The following RSBN1L variants were observed in gnomAD, a reference collection of about 807,000 sequenced individuals.
The protein encoded by RSBN1L is lysine-specific demethylase RSBN1L.
In RSBN1L, 30 loss-of-function variants were observed where a neutral mutation model predicts 67.7. The ratio of observed to expected loss-of-function variants is 0.44; its 90% CI spans 0.33 to 0.60. The LOEUF is 0.60. Ranked by LOEUF, RSBN1L falls within the 20% of genes least tolerant of loss-of-function variation. RSBN1L has a pLI of 0.02. For missense variants in RSBN1L, 992 were observed against 1,031.7 expected (o/e 0.96, Z 0.53); for synonymous variants, 433 against 387.0 (o/e 1.12, Z -1.39).
chr7:77,719,945 C>T (rs576943457), intron 1 of RSBN1L, among the ~76,000 whole-genome samples: 43 of 152,102 alleles, frequency 2.8e-4, no homozygotes, highest in African/African-American at 8.4e-4. Flanking sequence ...TTGTATTTTC[C>T]GTAGAGAAAG....
intron 2 of RSBN1L, among the ~76,000 whole-genome samples, chr7:77,747,917 G>C (rs1186149450): frequency 6.6e-6 from 1 of 150,982 alleles, no homozygotes; most frequent in Admixed American, 6.6e-5. Flanking sequence ...TTCTCGGGGG[G>C]GAGCTCAGGA....
At position 77,713,635 on chromosome 7, in the gene RSBN1L, C is replaced by T. The variant is rs186133386; in HGVS notation, c.586+16580C>T. On this transcript the variant is annotated intron_variant, in intron 1 of 7. Coordinates refer to ENST00000334955, the MANE Select transcript of RSBN1L (RefSeq NM_198467.3). ...CCTCCCAAAGTGCTGGGATTACAGG[C>T]GTGAGCCACCATGCCCGGCCTCTCT... 1.5e-4 allele frequency among the ~76,000 whole-genome samples: 23 copies of T among 151,118 alleles called. 1 individual carries two copies. The East Asian group carries it at 1.8e-3, about 12-fold the overall frequency.
chr7:77,756,789 G>A (rs1362699623), intron 3 of RSBN1L, among the ~76,000 whole-genome samples: 3 of 152,024 alleles, frequency 2.0e-5, no homozygotes, highest in African/African-American at 7.2e-5. Context: ...AAAAGAAAAG[G>A]AAGAAATTCA....
chr7:77,741,105 G>C (rs1339095772), intron 2 of RSBN1L, among the ~76,000 whole-genome samples: 1 of 150,072 alleles, frequency 6.7e-6, no homozygotes, highest in African/African-American at 2.5e-5. Context: ...TCCTGCCTCA[G>C]CCTACCGAGT....
intron 1 of RSBN1L, among the ~76,000 whole-genome samples, chr7:77,716,456 C>CTTT (rs371514466): frequency 7.1e-6 from 1 of 140,390 alleles, no homozygotes; most frequent in African/African-American, 2.6e-5. Flanking sequence ...TGTCTGGCTC[C>CTTT]TTTTTTTTTT....
chr7:77,776,001 A>G (rs912405989), intron 6 of RSBN1L, among the ~76,000 whole-genome samples: 37 of 152,076 alleles, frequency 2.4e-4, no homozygotes, highest in African/African-American at 8.5e-4. Context: ...GGTTGCAGTG[A>G]GCTTAGATGG....
In RSBN1L at chr7:77,725,471, TCCTGA is replaced by T. The variant is rs1791189477; in HGVS notation, c.587-10935_587-10931del. On this transcript the variant is annotated intron_variant, in intron 1 of 7. Coordinates refer to ENST00000334955, the MANE Select transcript of RSBN1L (RefSeq NM_198467.3). ...CATGTTTGCGAGGCTGGTCTCGAAC[TCCTGA>T]CCTCAGGTGATCCACCTGCCTCGGC... Among the ~76,000 whole-genome samples, 3 of 150,976 alleles carry T rather than the reference TCCTGA, an allele frequency of 2.0e-5. No individual in the cohort carries two copies. The South Asian group carries it at 6.3e-4, about 32-fold the overall frequency.
At position 77,772,522 on chromosome 7, in the gene RSBN1L, G is replaced by A. The variant is rs117037046; in HGVS notation, c.1626-625G>A. Among the ~76,000 whole-genome samples the A allele has an allele frequency of 1.5e-3, 234 of 152,368 alleles. 1 individual carries two copies. The highest frequency in any genetic ancestry group is 1.6e-3 in the Non-Finnish European group (108 of 68,034). On this transcript the variant is annotated intron_variant, in intron 5 of 7. Transcript: ENST00000334955. The stretch of plus-strand genomic sequence containing the variant: ...AGGAAAGTGGTGGAGGAGAGGGCCA[G>A]TGGGAAATAGCTGTCTTCCAAGACA...
intron 2 of RSBN1L, among the ~76,000 whole-genome samples, chr7:77,745,027 T>C (rs1038151474): frequency 2.6e-5 from 4 of 152,124 alleles, no homozygotes; most frequent in African/African-American, 9.7e-5. Context: ...TTTGGGAGGC[T>C]GAGGCGGGTG....
chr7:77,718,581 C>T (rs1791077476), intron 1 of RSBN1L, among the ~76,000 whole-genome samples: 1 of 152,136 alleles, frequency 6.6e-6, no homozygotes, highest in Non-Finnish European at 1.5e-5. Context: ...TGAGCCACCG[C>T]ACCTGGCCCA....
chr7:77,730,512 T>G lies in RSBN1L; in HGVS notation c.587-5898T>G, dbSNP rs543431736. On this transcript the variant is annotated intron_variant, in intron 1 of 7. Transcript: ENST00000334955. ...CATGTATCCACCATACACCACAGAG[T>G]ATTTTAATTGTCTTAAAAATCCTTT... Among the ~76,000 whole-genome samples, 5 of 152,256 alleles carry G rather than the reference T, an allele frequency of 3.3e-5. No homozygotes were observed. The South Asian group carries it at 1.0e-3, about 32-fold the overall frequency.
chr7:77,736,805 A>G (rs1438530169), intron 2 of RSBN1L, among the ~76,000 whole-genome samples: 1 of 152,202 alleles, frequency 6.6e-6, no homozygotes, highest in Non-Finnish European at 1.5e-5. Context: ...TGTTTGCATT[A>G]CTAGTCTTAC....
At chr7:77,721,842 A>G (rs934449872) in intron 1 of RSBN1L, among the ~76,000 whole-genome samples, 27 of 152,202 alleles carry the variant, frequency 1.8e-4, no homozygotes, top group Admixed American at 6.5e-5. Context: ...TAAGCAGAAG[A>G]TAGTGACATG....
Position 77,781,068 on chromosome 7 carries a change from T to C in RSBN1L, c.*1900T>C, listed in dbSNP as rs1017800977. 4.6e-5 allele frequency: 7 copies of C among 152,246 alleles called. No homozygotes were observed. Among genetic ancestry groups the C allele is most frequent in the Non-Finnish European group, 7.3e-5 (5 of 68,046 alleles). 9.4% of individuals were successfully genotyped at this position (152,246 alleles called of 1,614,324 possible). On this transcript the variant is annotated 3_prime_UTR_variant, in exon 8 of 8. Coordinates refer to ENST00000334955, the MANE Select transcript of RSBN1L (RefSeq NM_198467.3). ...TTATGGTAACCATCAAAACTGCTTA[T>C]ATTTCTGGTTAGGGCGAAGCCATTT...
In RSBN1L at chr7:77,760,054, C is replaced by T. The variant is rs553695207; in HGVS notation, c.1345-5441C>T. Among the ~76,000 whole-genome samples the T allele has an allele frequency of 3.9e-5, 6 of 152,130 alleles. No homozygotes were observed. The East Asian group carries it at 7.7e-4, about 20-fold the overall frequency. On this transcript the variant is annotated intron_variant, in intron 3 of 7. Coordinates refer to ENST00000334955, the MANE Select transcript of RSBN1L (RefSeq NM_198467.3). ...TTGTTATTACTATATTTGCCTTTTC[C>T]CCCTTGCAGCAGTTTTCGTAATTAC...
intron 1 of RSBN1L, among the ~76,000 whole-genome samples, chr7:77,725,046 G>A (rs1791178185): frequency 6.6e-6 from 1 of 150,776 alleles, no homozygotes; most frequent in African/African-American, 2.4e-5. Context: ...GTTTCACCAT[G>A]TTGGCCAGGC....
intron 1 of RSBN1L, among the ~76,000 whole-genome samples, chr7:77,707,290 C>T (rs1466594348): frequency 6.6e-6 from 1 of 152,120 alleles, no homozygotes; most frequent in Non-Finnish European, 1.5e-5. Context: ...TCCCAAAGTG[C>T]TGGGATTATA....
Position 77,778,889 on chromosome 7 carries a change from T to C in RSBN1L, c.2262T>C (p.His754=). ...AATATGAATTACAGCAGATTAAACA[T>C]GAACCTATTGCATCTGTAAGAATCA... ...HSKYELQQIK[H]EPIASVRIKE... The change falls in exon 8 of 8, where the codon CAT becomes CAC. Residue 754 remains histidine, a synonymous_variant. Transcript: ENST00000334955. The C allele has an allele frequency of 6.2e-7, 1 of 1,614,060 alleles. No homozygotes were observed. Among genetic ancestry groups the C allele is most frequent in the Non-Finnish European group, 8.5e-7 (1 of 1,179,930 alleles).
At chr7:77,774,123 T>C (rs936944027) in intron 6 of RSBN1L, among the ~76,000 whole-genome samples, 1 of 152,238 alleles carries the variant, frequency 6.6e-6, no homozygotes, top group Non-Finnish European at 1.5e-5. Flanking sequence ...CTCTTTGTTA[T>C]GTATTTGCTT....
Sources: allele counts gnomAD v4.1 joint callset (sites outside exome capture counted in the v4.1 genomes callset), GRCh38; gene constraint gnomAD v4.1.1; transcripts MANE v1.5; gene names NCBI Gene and HGNC (gene_info 2026-07-23, HGNC 2026-07-21).